The following C1orf146 variants were observed in gnomAD, a reference collection of about 807,000 sequenced individuals.
C1orf146 encodes chromosome 1 open reading frame 146.
C1orf146 carries 22 observed loss-of-function variants against 23.0 expected under a neutral mutation model. The observed-to-expected ratio is 0.96, with a 90% CI of 0.68 to 1.36. The LOEUF (loss-of-function observed/expected upper bound fraction) is 1.36, where lower values mean the gene tolerates loss of function less well. Among genes scored for constraint, C1orf146 ranks in the 40% most tolerant of loss-of-function variants. The pLI is 0.00. For synonymous variants in C1orf146, 59 were observed against 65.3 expected (o/e 0.90, Z 0.47); for missense variants, 199 against 206.8 (o/e 0.96, Z 0.23).
At chr1:92,220,711 AT>A (rs1651799057) in intron 1 of C1orf146, among the ~76,000 whole-genome samples, 1 of 152,236 alleles carries the variant, frequency 6.6e-6, no homozygotes, top group Non-Finnish European at 1.5e-5. Context: ...CTGTATCTAT[AT>A]TAACAATGAG....
intron 2 of C1orf146, among the ~76,000 whole-genome samples, chr1:92,241,196 A>G (rs1291618387): frequency 1.5e-5 from 1 of 68,238 alleles, no homozygotes; most frequent in East Asian, 2.1e-4. Context: ...GCTTATTATT[A>G]TTATTATTAT....
At position 92,230,313 on chromosome 1, in the gene C1orf146, TAA is replaced by T. The variant is rs142760966; in HGVS notation, c.-39-1055_-39-1054del. 4.7e-4 allele frequency among the ~76,000 whole-genome samples: 67 copies of T among 142,420 alleles called. 1 individual carries two copies. The highest frequency in any genetic ancestry group is 1.9e-3 in the Admixed American group (27 of 14,202). 93.4% of individuals were successfully genotyped at this position (142,420 alleles called of 152,430 possible). A position where few individuals can be genotyped will look rare whatever the true frequency, so the allele number is the denominator to read the frequency against. ...CCTGCCCCCGATCTCCACAATAAGT[TAA>T]AAAAAAAAAAAAATTGGCCAGGCGC... On this transcript the variant is annotated intron_variant, in intron 1 of 5. Transcript: ENST00000370375.
Position 92,235,371 on chromosome 1 carries a change from T to A in C1orf146, c.66+3885T>A, listed in dbSNP as rs867107189. Among the ~76,000 whole-genome samples the A allele has an allele frequency of 7.0e-3, 1,066 of 152,140 alleles. 15 individuals carry two copies. The highest frequency in any genetic ancestry group is 0.024 in the African/African-American group (1,015 of 41,456). On this transcript the variant is annotated intron_variant, in intron 2 of 5. Coordinates refer to ENST00000370375, the MANE Select transcript of C1orf146 (RefSeq NM_001012425.2). ...TCTGCCTTCATTTCATTATGTACCC[T>A]GTAGTCATTCAGGAGCAGGTTGTTC...
intron 2 of C1orf146, among the ~76,000 whole-genome samples, chr1:92,239,118 T>C (rs1652369477): frequency 6.6e-6 from 1 of 152,172 alleles, no homozygotes. Context: ...TTTAAACATA[T>C]CTTCTAGTTC....
At position 92,244,208 on chromosome 1, in the gene C1orf146, C is replaced by G; in HGVS notation, c.161-9C>G. The G allele has an allele frequency of 6.4e-7, 1 of 1,560,840 alleles. No homozygotes were observed. Among genetic ancestry groups the G allele is most frequent in the Non-Finnish European group, 8.7e-7 (1 of 1,148,280 alleles). On this transcript the variant is annotated splice_polypyrimidine_tract_variant and intron_variant, in intron 3 of 5. Transcript: ENST00000370375. The stretch of plus-strand genomic sequence containing the variant: ...AAGTGACATTTTATATTCAATTCAC[C>G]TTTCCTAGGAGTTGCATTTTTATTA...
chr1:92,240,013 A>G (rs1437492740), intron 2 of C1orf146, among the ~76,000 whole-genome samples: 1 of 152,216 alleles, frequency 6.6e-6, no homozygotes, highest in South Asian at 2.1e-4. Context: ...AATTGAGAAA[A>G]TAGTCACTCA....
intron 1 of C1orf146, among the ~76,000 whole-genome samples, chr1:92,220,497 C>T (rs559394632): frequency 6.6e-6 from 1 of 152,244 alleles, no homozygotes; most frequent in South Asian, 2.1e-4. Flanking sequence ...GCCTATTGCT[C>T]CTGGGCTACA....
intron 2 of C1orf146, chr1:92,240,732 C>T (rs1245501983): frequency 5.6e-6 from 1 of 180,154 alleles, no homozygotes; most frequent in African/African-American, 2.4e-5. Flanking sequence ...CTACATTGCC[C>T]AGGCTGTTCT....
Position 92,231,332 on chromosome 1 carries a change from C to T in C1orf146, c.-39-50C>T, listed in dbSNP as rs1012806776. On this transcript the variant is annotated intron_variant, in intron 1 of 5. Coordinates refer to ENST00000370375, the MANE Select transcript of C1orf146 (RefSeq NM_001012425.2). The stretch of plus-strand genomic sequence containing the variant: ...TAGTTTTATTTCCATCTTTAATTTA[C>T]TCATTCATCAGATATTTCTTTGCAT... 4 of 822,702 alleles carry T rather than the reference C, an allele frequency of 4.9e-6. No individual in the cohort carries two copies. The African/African-American group carries it at 7.0e-5, about 14-fold the overall frequency. 51.0% of individuals were successfully genotyped at this position (822,702 alleles called of 1,614,324 possible).
chr1:92,220,757 A>G (rs905041182), intron 1 of C1orf146, among the ~76,000 whole-genome samples: 2 of 152,230 alleles, frequency 1.3e-5, no homozygotes, highest in Non-Finnish European at 2.9e-5. Context: ...ACTATGGACC[A>G]TTCTAGCCTT....
rs1486210493 is a variant in C1orf146, at chr1:92,239,721, A to T, written c.67-2491A>T. 1.1e-4 allele frequency among the ~76,000 whole-genome samples: 16 copies of T among 152,150 alleles called. No individual in the cohort carries two copies. In the East Asian group the frequency reaches 2.9e-3, roughly 28 times the overall value. On this transcript the variant is annotated intron_variant, in intron 2 of 5. Transcript: ENST00000370375. ...GTCCAAGATCATGCCATTGCACTCC[A>T]GTCTGGGTGACAGAGTGAGACCCTG...
intron 1 of C1orf146, among the ~76,000 whole-genome samples, chr1:92,229,684 A>G (rs1461036616): frequency 6.6e-6 from 1 of 152,220 alleles, no homozygotes; most frequent in Non-Finnish European, 1.5e-5. Context: ...ATTTGACTAC[A>G]TTGGAAATAA....
intron 2 of C1orf146, among the ~76,000 whole-genome samples, chr1:92,233,808 C>A (rs1338552558): frequency 6.6e-6 from 1 of 152,110 alleles, no homozygotes; most frequent in Non-Finnish European, 1.5e-5. Context: ...TGTAGTTCTC[C>A]TTGAAGAGGT....
intron 2 of C1orf146, among the ~76,000 whole-genome samples, chr1:92,241,187 CTTATTATTATTATTATTATTA>C (rs146597980): frequency 2.8e-5 from 4 of 142,686 alleles, no homozygotes; most frequent in Admixed American, 7.1e-5. Context: ...CTCCAAGTTG[CTTATTATTATTATTATTATTA>C]TTATTATTAT....
chr1:92,236,056 C>CTT (rs982568583), intron 2 of C1orf146, among the ~76,000 whole-genome samples: 3 of 151,640 alleles, frequency 2.0e-5, no homozygotes, highest in Non-Finnish European at 4.4e-5. Context: ...GGTCTTGACT[C>CTT]TATCCAATTT....
intron 1 of C1orf146, among the ~76,000 whole-genome samples, chr1:92,223,676 G>C (rs1651891511): frequency 6.6e-6 from 1 of 152,116 alleles, no homozygotes; most frequent in Admixed American, 6.5e-5. Flanking sequence ...GTGGACTACA[G>C]GTACGCACCA....
chr1:92,233,317 T>A (rs1652181384), intron 2 of C1orf146, among the ~76,000 whole-genome samples: 2 of 151,224 alleles, frequency 1.3e-5, no homozygotes, highest in Admixed American at 6.6e-5. Context: ...CAGTTTCAGC[T>A]TTCTACATAT....
intron 1 of C1orf146, among the ~76,000 whole-genome samples, chr1:92,220,993 A>G (rs979184928): frequency 6.6e-6 from 1 of 152,336 alleles, no homozygotes; most frequent in South Asian, 2.1e-4. Flanking sequence ...CTTGCAAGCT[A>G]ATAAGCTAGC....
chr1:92,242,763 A>G (rs969345173), intron 3 of C1orf146, among the ~76,000 whole-genome samples: 5 of 152,228 alleles, frequency 3.3e-5, no homozygotes, highest in East Asian at 1.9e-4. Context: ...GACAACTGAT[A>G]TAACTGTTAG....
Sources: allele counts gnomAD v4.1 joint callset (sites outside exome capture counted in the v4.1 genomes callset), GRCh38; gene constraint gnomAD v4.1.1; transcripts MANE v1.5; gene names NCBI Gene and HGNC (gene_info 2026-07-23, HGNC 2026-07-21).